TTC23: variants seen among roughly 807,000 people sequenced by gnomAD.
TTC23 encodes the protein tetratricopeptide repeat domain 23.
A neutral mutation model predicts 55.1 loss-of-function variants in TTC23; 58 were observed. The ratio of observed to expected loss-of-function variants is 1.05; its 90% confidence interval spans 0.85 to 1.31. The LOEUF (loss-of-function observed/expected upper bound fraction) is 1.31. Ranked by LOEUF, TTC23 falls within the 50% of genes most tolerant of loss-of-function variation. The pLI is 0.00. For missense variants in TTC23, 516 were observed against 534.4 expected, an observed-to-expected ratio of 0.97 and a Z score of 0.34; for synonymous variants, 203 against 199.9, an observed-to-expected ratio of 1.02 and a Z score of -0.13.
chr15:99,168,272 A>G (rs2072423678), intron 10 of TTC23, among the ~76,000 whole-genome samples: 1 of 152,244 alleles, frequency 6.6e-6, no homozygotes, highest in African/African-American at 2.4e-5. Flanking sequence ...GGCAGCAGAC[A>G]AGGTGAGGCT....
chr15:99,232,478 C>CAAAAAAA (rs770961662), intron 4 of TTC23, among the ~76,000 whole-genome samples: 2 of 98,562 alleles, frequency 2.0e-5, no homozygotes, highest in Non-Finnish European at 4.3e-5. Context: ...GACTCCATCT[C>CAAAAAAA]AAAAAAAAAA....
intron 12 of TTC23, 161 bp downstream of exon 12, chr15:99,155,987 C>A: frequency 2.3e-6 from 2 of 881,688 alleles, no homozygotes; most frequent in South Asian, 2.0e-5. Context: ...TGTCTTTTAC[C>A]CAAAAAGTAT....
intron 10 of TTC23, among the ~76,000 whole-genome samples, chr15:99,163,616 T>A (rs1014691894): frequency 6.6e-5 from 10 of 152,198 alleles, no homozygotes; most frequent in Non-Finnish European, 1.5e-4. Flanking sequence ...AATATTTATG[T>A]CCCCCTCAAA....
intron 10 of TTC23, 127 bp from the exon 11 acceptor site, chr15:99,161,994 G>T: frequency 1.0e-6 from 1 of 974,514 alleles, no homozygotes; most frequent in Non-Finnish European, 1.4e-6. Context: ...AAACAGTTAA[G>T]ACTGTCCTTT....
chr15:99,176,269 T>C (rs976074416), intron 9 of TTC23, among the ~76,000 whole-genome samples: 2 of 152,090 alleles, frequency 1.3e-5, no homozygotes, highest in Non-Finnish European at 2.9e-5. Context: ...TGTGAGTCAG[T>C]AGGTAGGTAG....
chr15:99,154,825 A>G (rs1223680481), intron 12 of TTC23, among the ~76,000 whole-genome samples: 2 of 152,226 alleles, frequency 1.3e-5, no homozygotes, highest in East Asian at 3.8e-4. Flanking sequence ...TAAAATATAT[A>G]AACCTTAGTT....
intron 8 of TTC23, among the ~76,000 whole-genome samples, chr15:99,217,439 G>T (rs1391188267): frequency 1.3e-5 from 2 of 152,198 alleles, no homozygotes; most frequent in Non-Finnish European, 2.9e-5. Flanking sequence ...TTACAGGCAT[G>T]AGCCACTGTG....
At chr15:99,236,380 G>C (rs1274745103) in intron 3 of TTC23, among the ~76,000 whole-genome samples, 1 of 151,876 alleles carries the variant, frequency 6.6e-6, no homozygotes. Flanking sequence ...GTTCCCTAAT[G>C]ACCAGAGATC....
intron 11 of TTC23, chr15:99,159,065 A>C (rs546140245): frequency 6.6e-6 from 1 of 152,514 alleles, no homozygotes; most frequent in Non-Finnish European, 1.5e-5. Context: ...CAGTGGCCCT[A>C]GAATGAAAAG....
At chr15:99,182,140 C>T (rs1267367932) in intron 9 of TTC23, among the ~76,000 whole-genome samples, 2 of 151,638 alleles carry the variant, frequency 1.3e-5, no homozygotes, top group Admixed American at 6.6e-5. Flanking sequence ...TAAAAATACT[C>T]CTTCCCCCTT....
At chr15:99,142,426 T>G (rs1180146156) in intron 12 of TTC23, among the ~76,000 whole-genome samples, 1 of 152,148 alleles carries the variant, frequency 6.6e-6, no homozygotes, top group Non-Finnish European at 1.5e-5. Context: ...CACCCAAACT[T>G]CCCTGTGTTT....
At chr15:99,162,610 G>A (rs2071521703) in intron 10 of TTC23, among the ~76,000 whole-genome samples, 1 of 152,280 alleles carries the variant, frequency 6.6e-6, no homozygotes, top group Non-Finnish European at 1.5e-5. Flanking sequence ...CATTTGTGGT[G>A]GAAAGCTGAA....
chr15:99,162,867 C>G (rs901500476), intron 10 of TTC23, among the ~76,000 whole-genome samples: 1 of 151,900 alleles, frequency 6.6e-6, no homozygotes, highest in Admixed American at 6.6e-5. Flanking sequence ...ATCGCTTGAG[C>G]CTGGAAGTTC....
At chr15:99,184,195 T>G (rs2074443536) in intron 9 of TTC23, among the ~76,000 whole-genome samples, 1 of 152,004 alleles carries the variant, frequency 6.6e-6, no homozygotes, top group Non-Finnish European at 1.5e-5. Context: ...GCTAGGGCAG[T>G]GTGGAAAGGA....
At chr15:99,202,527 T>C (rs1000538904) in intron 8 of TTC23, among the ~76,000 whole-genome samples, 3 of 152,188 alleles carry the variant, frequency 2.0e-5, no homozygotes, top group African/African-American at 7.2e-5. Context: ...CATTCATTGA[T>C]ATATAAAAAA....
At chr15:99,142,879 C>T (rs2068406767) in intron 12 of TTC23, among the ~76,000 whole-genome samples, 1 of 152,162 alleles carries the variant, frequency 6.6e-6, no homozygotes, top group Non-Finnish European at 1.5e-5. Context: ...CTGGTTGGGT[C>T]AAGAGATCCT....
chr15:99,199,888 C>G, intron 9 of TTC23, 31 bp downstream of exon 9: 1 of 1,587,002 alleles, frequency 6.3e-7, no homozygotes, highest in South Asian at 1.2e-5. Flanking sequence ...GGGCCTAGAA[C>G]AGCTTTGGTA....
intron 3 of TTC23, among the ~76,000 whole-genome samples, chr15:99,241,138 G>C (rs759417323): frequency 6.6e-6 from 1 of 152,106 alleles, no homozygotes; most frequent in Admixed American, 6.6e-5. Flanking sequence ...CCAACATGGA[G>C]AAACCCTGTC....
intron 12 of TTC23, among the ~76,000 whole-genome samples, chr15:99,151,060 G>A (rs190989989): frequency 1.5e-4 from 23 of 152,112 alleles, no homozygotes; most frequent in African/African-American, 4.3e-4. Context: ...TGGACCTGCC[G>A]CATGGAACTG....
Sources: allele counts gnomAD v4.1 joint callset (sites outside exome capture counted in the v4.1 genomes callset), GRCh38; gene constraint gnomAD v4.1.1; transcripts MANE v1.5; gene names NCBI Gene and HGNC (gene_info 2026-07-23, HGNC 2026-07-21).